Variants in PPP3CC observed in about 807,000 individuals in gnomAD.
The protein encoded by PPP3CC is protein phosphatase 3 catalytic subunit gamma, also known as serine/threonine-protein phosphatase 2B catalytic subunit gamma isoform.
A neutral mutation model predicts 60.3 loss-of-function variants in PPP3CC; 35 were observed. The observed-to-expected ratio is 0.58, with a 90% CI of 0.44 to 0.77. The LOEUF (loss-of-function observed/expected upper bound fraction) is 0.77, where lower values mean the gene tolerates loss of function less well. PPP3CC is among the 30% of genes least tolerant of loss of function. The pLI, the probability that PPP3CC is intolerant of heterozygous loss-of-function variation, is 0.00. For missense variants in PPP3CC, 570 were observed against 628.9 expected (o/e 0.91, Z 1.00); for synonymous variants, 206 against 224.3 (o/e 0.92, Z 0.73).
At chr8:22,498,682 G>A (rs983520339) in intron 4 of PPP3CC, among the ~76,000 whole-genome samples, 3 of 152,026 alleles carry the variant, frequency 2.0e-5, no homozygotes, top group Non-Finnish European at 2.9e-5. Flanking sequence ...TGACAACATG[G>A]TTTGTAAGTG....
At chr8:22,453,799 C>G (rs1837107942) in intron 1 of PPP3CC, among the ~76,000 whole-genome samples, 1 of 152,106 alleles carries the variant, frequency 6.6e-6, no homozygotes, top group South Asian at 2.1e-4. Flanking sequence ...AACAGTAAGT[C>G]TTTGGGTATC....
intron 1 of PPP3CC, among the ~76,000 whole-genome samples, chr8:22,458,045 C>T (rs1003894861): frequency 4.6e-5 from 7 of 151,990 alleles, no homozygotes; most frequent in South Asian, 2.1e-4. Context: ...GAGCCGAGAT[C>T]GTGCCATTGC....
At chr8:22,503,467 A>C (rs1034097960) in intron 4 of PPP3CC, among the ~76,000 whole-genome samples, 14 of 152,116 alleles carry the variant, frequency 9.2e-5, no homozygotes, top group African/African-American at 3.1e-4. Context: ...GTTTTGAATT[A>C]AGTTTCAGAG....
chr8:22,515,718 G>A (rs2443507), intron 6 of PPP3CC, among the ~76,000 whole-genome samples: 64,220 of 151,436 alleles, frequency 0.42, 13,775 homozygotes, highest in East Asian at 0.55. Flanking sequence ...TCTGATGATC[G>A]GTGATATTGA....
At chr8:22,497,331 ATT>A (rs201716073) in intron 3 of PPP3CC, among the ~76,000 whole-genome samples, 2 of 137,122 alleles carry the variant, frequency 1.5e-5, no homozygotes, top group African/African-American at 2.6e-5. Flanking sequence ...ACCTGGCCCT[ATT>A]TTTTTTTTTT....
chr8:22,498,128 C>A lies in PPP3CC; in HGVS notation c.484+16C>A. On this transcript the variant is annotated intron_variant, in intron 4 of 13. Transcript: ENST00000240139. ...AAACAGGAATGTAAGTATAATCACTCCTCTAGAACCTTTTTAGTTACCCTT... is the reference window on the plus strand; with the variant it reads ...AAACAGGAATGTAAGTATAATCACTACTCTAGAACCTTTTTAGTTACCCTT... The A allele has an allele frequency of 6.5e-7, 1 of 1,528,710 alleles. No homozygotes were observed. The highest frequency in any genetic ancestry group is 9.0e-7 in the Non-Finnish European group (1 of 1,106,038). The allele number at this position is 1,528,710 out of a possible 1,614,324, so 94.7% of individuals were successfully genotyped here.
chr8:22,461,551 C>T (rs933888254), intron 1 of PPP3CC, among the ~76,000 whole-genome samples: 6 of 151,910 alleles, frequency 3.9e-5, no homozygotes, highest in African/African-American at 1.5e-4. Context: ...GGTAAAAAGT[C>T]TTCCTATTCC....
chr8:22,517,889 T>C (rs1839295614), intron 6 of PPP3CC, among the ~76,000 whole-genome samples: 1 of 152,116 alleles, frequency 6.6e-6, no homozygotes, highest in Non-Finnish European at 1.5e-5. Flanking sequence ...TTCTGCTTAC[T>C]TTGGGCTTAT....
chr8:22,485,503 G>A lies in PPP3CC; in HGVS notation c.372+9879G>A, dbSNP rs145180005. 8.2e-3 allele frequency among the ~76,000 whole-genome samples: 1,256 copies of A among 152,256 alleles called. 13 individuals carry two copies. The highest frequency in any genetic ancestry group is 0.012 in the Non-Finnish European group (814 of 68,008). On this transcript the variant is annotated intron_variant, in intron 3 of 13. Transcript: ENST00000240139. Reference sequence around the variant, plus strand: ...TAAAACAGAACTCAACCAAAATCGGGAGTTCAGTCCAAGAATGACTCACTA... The same window carrying A: ...TAAAACAGAACTCAACCAAAATCGGAAGTTCAGTCCAAGAATGACTCACTA...
intron 12 of PPP3CC, among the ~76,000 whole-genome samples, chr8:22,536,412 T>C (rs1839845992): frequency 6.6e-6 from 1 of 152,216 alleles, no homozygotes; most frequent in South Asian, 2.1e-4. Context: ...CACAAAATTG[T>C]TTTAATTGAA....
intron 6 of PPP3CC, among the ~76,000 whole-genome samples, chr8:22,513,968 G>A (rs979339993): frequency 2.0e-5 from 3 of 152,230 alleles, no homozygotes; most frequent in African/African-American, 7.2e-5. Context: ...AAGACAGGCA[G>A]GGCGTGGTGG....
chr8:22,496,318 G>A (rs192222101), intron 3 of PPP3CC, among the ~76,000 whole-genome samples: 6 of 151,752 alleles, frequency 4.0e-5, no homozygotes, highest in African/African-American at 1.4e-4. Context: ...GGTAGGGATA[G>A]TCTGCCCTCA....
chr8:22,530,829 C>CAAACAAAAAAAAAAAAAAAAAA (rs1839691242), intron 10 of PPP3CC, among the ~76,000 whole-genome samples: 7 of 58,048 alleles, frequency 1.2e-4, no homozygotes, highest in African/African-American at 3.7e-4. Flanking sequence ...AGACTCATCT[C>CAAACAAAAAAAAAAAAAAAAAA]AAAAAAAAAA....
intron 3 of PPP3CC, among the ~76,000 whole-genome samples, chr8:22,490,013 C>G (rs766400656): frequency 6.6e-6 from 1 of 151,262 alleles, no homozygotes; most frequent in Non-Finnish European, 1.5e-5. Context: ...TTAGTAGAGA[C>G]GAGGTTTCAC....
At chr8:22,471,121 T>A (rs1222311331) in intron 1 of PPP3CC, among the ~76,000 whole-genome samples, 1 of 152,188 alleles carries the variant, frequency 6.6e-6, no homozygotes, top group Admixed American at 6.5e-5. Context: ...TTTTTAACTT[T>A]ATGGTTTCAA....
At chr8:22,520,667 T>A (rs1839382735) in intron 6 of PPP3CC, among the ~76,000 whole-genome samples, 1 of 152,212 alleles carries the variant, frequency 6.6e-6, no homozygotes, top group African/African-American at 2.4e-5. Flanking sequence ...GCTTCTTTTT[T>A]ATGGTTTCTG....
intron 1 of PPP3CC, among the ~76,000 whole-genome samples, chr8:22,472,937 T>C (rs564015550): frequency 1.3e-5 from 2 of 152,200 alleles, no homozygotes; most frequent in South Asian, 4.1e-4. Context: ...CAGGAGTTTT[T>C]CAGCTCCATT....
intron 9 of PPP3CC, 81 bp from the exon 10 acceptor site, chr8:22,528,425 G>A (rs577631130): frequency 1.3e-4 from 118 of 886,902 alleles, no homozygotes; most frequent in African/African-American, 7.2e-4. Flanking sequence ...CTTAACATGT[G>A]TGTTTATTTA....
At chr8:22,451,176 C>A (rs1837012009) in intron 1 of PPP3CC, among the ~76,000 whole-genome samples, 1 of 149,636 alleles carries the variant, frequency 6.7e-6, no homozygotes, top group Non-Finnish European at 1.5e-5. Flanking sequence ...CACTCTGTCT[C>A]CCAGGCTGGA....
Sources: allele counts gnomAD v4.1 joint callset (sites outside exome capture counted in the v4.1 genomes callset), GRCh38; gene constraint gnomAD v4.1.1; transcripts MANE v1.5; gene names NCBI Gene and HGNC (gene_info 2026-07-23, HGNC 2026-07-21).